The following PCDH9 variants were observed in gnomAD, a reference collection of about 807,000 sequenced individuals.
PCDH9 encodes the protein protocadherin-9.
PCDH9 carries 24 observed loss-of-function variants against 70.6 expected under a neutral mutation model. The observed-to-expected ratio is 0.34, with a 90% CI of 0.25 to 0.48. PCDH9 has a LOEUF of 0.48. Ranked by LOEUF, PCDH9 falls within the 20% of genes least tolerant of loss-of-function variation. The pLI is 0.99. For missense variants in PCDH9, 1,281 were observed against 1,503.6 expected, an observed-to-expected ratio of 0.85 and a Z score of 2.45; for synonymous variants, 562 against 558.5, an observed-to-expected ratio of 1.01 and a Z score of -0.09.
At position 67,228,227 on chromosome 13, in the gene PCDH9, C is replaced by T; in HGVS notation, c.214G>A (p.Asp72Asn). ...LVYRLVSKAG[D>N]APLVKVSSST... ...CTGGAAACTTTCACCAAAGGGGCAT[C>T]CCCAGCTTTAGAAACCAGTCTGTAG... is the stretch of plus-strand genomic sequence containing the variant. Residue 72 changes from aspartate to asparagine, a missense_variant, in exon 2 of 5, where the codon GAT becomes AAT. By Grantham distance (23) the Asp-to-Asn change is conservative (BLOSUM62 1). Around this residue, in one of 4 missense-constraint regions of PCDH9, gnomAD observed 798 missense variants for 1,003.1 expected, o/e 0.80. Coordinates refer to ENST00000377865, the MANE Select transcript of PCDH9 (RefSeq NM_203487.3). The T allele has an allele frequency of 6.2e-7, 1 of 1,612,352 alleles. No individual in the cohort carries two copies. The highest frequency in any genetic ancestry group is 8.5e-7 in the Non-Finnish European group (1 of 1,179,162).
At chr13:67,100,815 T>C (rs1247157931) in intron 2 of PCDH9, among the ~76,000 whole-genome samples, 1 of 152,116 alleles carries the variant, frequency 6.6e-6, no homozygotes, top group Non-Finnish European at 1.5e-5. Flanking sequence ...TTAGTGGAGG[T>C]CGAACATCTG....
intron 4 of PCDH9, among the ~76,000 whole-genome samples, chr13:66,491,126 T>C (rs1013293845): frequency 1.3e-5 from 2 of 152,186 alleles, no homozygotes; most frequent in Non-Finnish European, 2.9e-5. Flanking sequence ...CACTGCCTCT[T>C]ACAAAATAGG....
intron 3 of PCDH9, among the ~76,000 whole-genome samples, chr13:66,838,724 T>C (rs1246123246): frequency 6.6e-6 from 1 of 152,100 alleles, no homozygotes. Flanking sequence ...CACAGTTAAA[T>C]ATAAGTGTTG....
chr13:66,483,025 T>C (rs534877990), intron 4 of PCDH9, among the ~76,000 whole-genome samples: 93 of 152,344 alleles, frequency 6.1e-4, no homozygotes, highest in African/African-American at 1.9e-3. Context: ...TCATGGCCAC[T>C]GCAGAGAGTT....
intron 2 of PCDH9, among the ~76,000 whole-genome samples, chr13:66,947,462 C>T (rs1178219896): frequency 3.9e-5 from 6 of 151,908 alleles, no homozygotes; most frequent in South Asian, 2.1e-4. Flanking sequence ...GACAAATACA[C>T]GGATTACTGC....
chr13:66,958,105 G>A (rs9571702), intron 2 of PCDH9, among the ~76,000 whole-genome samples: 41,184 of 152,094 alleles, frequency 0.27, 6,167 homozygotes, highest in East Asian at 0.61. Context: ...TCAAGATGAA[G>A]AGGCACCCCA....
chr13:66,852,845 A>T (rs1426462897), intron 3 of PCDH9, among the ~76,000 whole-genome samples: 1 of 152,184 alleles, frequency 6.6e-6, no homozygotes, highest in African/African-American at 2.4e-5. Flanking sequence ...TGAACTCCAT[A>T]GCAAATCTAC....
intron 4 of PCDH9, among the ~76,000 whole-genome samples, chr13:66,342,783 G>T (rs542204438): frequency 2.0e-3 from 293 of 143,266 alleles, no homozygotes; most frequent in African/African-American, 7.0e-3. Context: ...CTGATTTATT[G>T]TATTTATTTA....
At chr13:67,165,420 T>G (rs1214069327) in intron 2 of PCDH9, among the ~76,000 whole-genome samples, 1 of 152,164 alleles carries the variant, frequency 6.6e-6, no homozygotes, top group African/African-American at 2.4e-5. Flanking sequence ...ACAATAATAA[T>G]AGTGAATATT....
intron 2 of PCDH9, among the ~76,000 whole-genome samples, chr13:67,131,131 T>C (rs1338065611): frequency 6.6e-6 from 1 of 152,168 alleles, no homozygotes; most frequent in Non-Finnish European, 1.5e-5. Context: ...AATTGGTGCA[T>C]GTTTACTTTA....
intron 3 of PCDH9, among the ~76,000 whole-genome samples, chr13:66,826,389 G>A (rs912887708): frequency 3.3e-5 from 5 of 152,144 alleles, no homozygotes; most frequent in African/African-American, 1.2e-4. Flanking sequence ...CAGTCCATTA[G>A]TAAAAGAGAT....
chr13:66,311,381 TGTG>T (rs1198406467), intron 4 of PCDH9, among the ~76,000 whole-genome samples: 8 of 151,898 alleles, frequency 5.3e-5, no homozygotes, highest in African/African-American at 1.9e-4. Context: ...TGTGTGTGTG[TGTG>T]TGTGTTATTT....
chr13:66,861,895 C>T (rs1481246030), intron 3 of PCDH9, among the ~76,000 whole-genome samples: 1 of 151,842 alleles, frequency 6.6e-6, no homozygotes, highest in Non-Finnish European at 1.5e-5. Context: ...GGTTTCAAGC[C>T]CTTGTGGAAA....
At chr13:66,613,814 A>T (rs2077323065) in intron 4 of PCDH9, among the ~76,000 whole-genome samples, 2 of 152,166 alleles carry the variant, frequency 1.3e-5, no homozygotes, top group Admixed American at 1.3e-4. Context: ...TACTTTTTTT[A>T]AGGGAAGGTA....
intron 2 of PCDH9, among the ~76,000 whole-genome samples, chr13:67,082,982 G>C (rs992826755): frequency 2.6e-5 from 4 of 151,914 alleles, no homozygotes; most frequent in African/African-American, 9.7e-5. Flanking sequence ...GAATACCTCT[G>C]GAAATTTTCA....
At chr13:67,018,520 G>A (rs577495280) in intron 2 of PCDH9, among the ~76,000 whole-genome samples, 1 of 151,090 alleles carries the variant, frequency 6.6e-6, no homozygotes, top group Admixed American at 6.6e-5. Flanking sequence ...TCAGGAGGCT[G>A]AGAGAGGAGA....
At chr13:66,781,124 T>C (rs1234594838) in intron 3 of PCDH9, among the ~76,000 whole-genome samples, 1 of 152,198 alleles carries the variant, frequency 6.6e-6, no homozygotes, top group Admixed American at 6.5e-5. Context: ...TGTAAAGGAA[T>C]AATAAAAATA....
intron 4 of PCDH9, among the ~76,000 whole-genome samples, chr13:66,441,917 C>T (rs1052864710): frequency 2.6e-5 from 4 of 152,162 alleles, no homozygotes; most frequent in Middle Eastern, 3.4e-3. Flanking sequence ...TTTATATATG[C>T]TAAGATTACA....
intron 2 of PCDH9, among the ~76,000 whole-genome samples, chr13:67,056,851 G>C (rs1331303029): frequency 2.6e-5 from 4 of 152,050 alleles, no homozygotes; most frequent in Non-Finnish European, 4.4e-5. Context: ...CCATCATGAA[G>C]ACAGGAAGGA....
Sources: gnomAD v4.1 joint callset for allele counts (sites outside exome capture counted in the v4.1 genomes callset) on GRCh38, gnomAD v4.1.1 for gene constraint, gnomAD v4.1.1 regional missense constraint, MANE v1.5 for transcripts, NCBI Gene and HGNC (gene_info 2026-07-23, HGNC 2026-07-21) for gene names.